The following RBFOX1 variants were observed in gnomAD, a reference collection of about 807,000 sequenced individuals.
RBFOX1 encodes the protein RNA binding fox-1 homolog 1.
RBFOX1 carries 8 observed loss-of-function variants against 57.7 expected under a neutral mutation model. The observed-to-expected ratio is 0.14, with a 90% CI of 0.08 to 0.25. RBFOX1 has a LOEUF of 0.25. Ranked by LOEUF, RBFOX1 falls within the 10% of genes least tolerant of loss-of-function variation. The probability of loss-of-function intolerance (pLI) is 1.00; values close to 1 mark genes in which losing one functional copy is unlikely to be tolerated. For missense variants in RBFOX1, 611 were observed against 548.5 expected (o/e 1.11, Z -1.14); for synonymous variants, 326 against 222.4 (o/e 1.47, Z -4.15).
At chr16:6,625,587 A>C (rs747968951) in intron 2 of RBFOX1, among the ~76,000 whole-genome samples, 1 of 152,136 alleles carries the variant, frequency 6.6e-6, no homozygotes, top group Non-Finnish European at 1.5e-5. Flanking sequence ...TGGTTCCTCC[A>C]TTCTAACTAT....
chr16:5,745,375 C>A (rs1199278568), intron 3 of RBFOX1, among the ~76,000 whole-genome samples: 1 of 152,176 alleles, frequency 6.6e-6, no homozygotes, highest in African/African-American at 2.4e-5. Context: ...CAAGTCTTTA[C>A]TATTGTGAAT....
At chr16:7,041,216 G>C (rs1199595789) in intron 3 of RBFOX1, among the ~76,000 whole-genome samples, 2 of 150,850 alleles carry the variant, frequency 1.3e-5, no homozygotes, top group African/African-American at 2.4e-5. Context: ...TTACAGGTGT[G>C]AGCCACCACA....
At chr16:7,344,332 T>C (rs61560868) in intron 4 of RBFOX1, among the ~76,000 whole-genome samples, 1 of 150,532 alleles carries the variant, frequency 6.6e-6, no homozygotes, top group African/African-American at 2.4e-5. Context: ...ATAGAAATAA[T>C]AATTGTTACA....
intron 3 of RBFOX1, among the ~76,000 whole-genome samples, chr16:6,859,330 G>C (rs2058602460): frequency 6.6e-6 from 1 of 150,782 alleles, no homozygotes; most frequent in Non-Finnish European, 1.5e-5. Flanking sequence ...ATTTTTATAA[G>C]AAAGAGTCAA....
intron 1 of RBFOX1, among the ~76,000 whole-genome samples, chr16:5,326,780 A>G (rs1232513136): frequency 3.3e-5 from 5 of 152,370 alleles, no homozygotes; most frequent in Admixed American, 1.3e-4. Context: ...GAGGGAACAT[A>G]TCAGAAAGCC....
chr16:7,361,892 A>G (rs1355078736), intron 4 of RBFOX1, among the ~76,000 whole-genome samples: 5 of 150,586 alleles, frequency 3.3e-5, no homozygotes, highest in African/African-American at 9.8e-5. Context: ...ATATGTTAGT[A>G]TGTGTATTTT....
intron 4 of RBFOX1, among the ~76,000 whole-genome samples, chr16:5,951,213 C>G (rs1026590399): frequency 6.6e-6 from 1 of 152,032 alleles, no homozygotes; most frequent in Non-Finnish European, 1.5e-5. Context: ...TTTGGGAGAC[C>G]GAGGCAGGCA....
At chr16:5,327,498 C>T (rs2064613709) in intron 1 of RBFOX1, among the ~76,000 whole-genome samples, 1 of 152,232 alleles carries the variant, frequency 6.6e-6, no homozygotes, top group Non-Finnish European at 1.5e-5. Context: ...CAAGTCTTGA[C>T]ACTGCCTGAC....
rs60637926 is a variant in RBFOX1, at chr16:6,344,407, C to CTTTT, written c.-64+27359_-64+27362dup. ...TCTCTTCTTCTTTTTTCTTTTTTTT[C>CTTTT]TTTTTTTTTTTTGAGACAGAGTCTC... On this transcript the variant is annotated intron_variant, in intron 2 of 15. Coordinates refer to ENST00000550418, the MANE Select transcript of RBFOX1 (RefSeq NM_018723.4). 3.7e-4 allele frequency among the ~76,000 whole-genome samples: 41 copies of CTTTT among 109,838 alleles called. 2 individuals are homozygous for CTTTT. The highest frequency in any genetic ancestry group is 7.0e-4 in the East Asian group (3 of 4,274). The allele number at this position is 109,838 out of a possible 152,430, so 72.1% of individuals were successfully genotyped here. A position where few individuals can be genotyped will look rare whatever the true frequency, so the allele number is the denominator to read the frequency against.
chr16:6,962,833 C>G (rs755523499), intron 3 of RBFOX1, among the ~76,000 whole-genome samples: 11 of 151,806 alleles, frequency 7.2e-5, no homozygotes, highest in Non-Finnish European at 1.3e-4. Flanking sequence ...CCACTGCACT[C>G]CAGCCTGGGC....
intron 3 of RBFOX1, among the ~76,000 whole-genome samples, chr16:6,698,671 T>A (rs1057145890): frequency 6.6e-6 from 1 of 152,170 alleles, no homozygotes; most frequent in Admixed American, 6.5e-5. Context: ...TAGGTTAGAA[T>A]CACATTATTC....
intron 10 of RBFOX1, among the ~76,000 whole-genome samples, chr16:7,612,339 A>AG (rs2057668594): frequency 1.3e-5 from 2 of 150,716 alleles, no homozygotes; most frequent in East Asian, 3.9e-4. Context: ...AAAAAAAAAA[A>AG]AAAAAAAAAA....
At chr16:7,120,185 C>T (rs2066799239) in intron 4 of RBFOX1, among the ~76,000 whole-genome samples, 1 of 152,072 alleles carries the variant, frequency 6.6e-6, no homozygotes, top group South Asian at 2.1e-4. Flanking sequence ...GAAGCGAAAG[C>T]AGTGCTTAGA....
chr16:6,465,050 G>C (rs1160611063), intron 2 of RBFOX1, among the ~76,000 whole-genome samples: 3 of 152,190 alleles, frequency 2.0e-5, no homozygotes, highest in Non-Finnish European at 4.4e-5. Context: ...ATCGTGAATT[G>C]TCCACACAGT....
intron 6 of RBFOX1, 28 bp downstream of exon 6, chr16:7,579,948 G>A: frequency 6.2e-7 from 1 of 1,611,612 alleles, no homozygotes; most frequent in Non-Finnish European, 8.5e-7. Context: ...TCCCAGCAGT[G>A]CCCGCTCTGG....
intron 4 of RBFOX1, among the ~76,000 whole-genome samples, chr16:7,102,843 A>G (rs181649721): frequency 2.6e-5 from 4 of 152,264 alleles, no homozygotes; most frequent in Admixed American, 1.3e-4. Context: ...ACACAGCCTA[A>G]TTTCAAAAGA....
chr16:7,693,727 G>A (rs780149650), intron 14 of RBFOX1, among the ~76,000 whole-genome samples: 3 of 152,042 alleles, frequency 2.0e-5, no homozygotes, highest in East Asian at 1.9e-4. Flanking sequence ...GTTTTTTGAC[G>A]TGTTATGTCT....
chr16:6,303,347 T>TA (rs1248877331), intron 1 of RBFOX1, among the ~76,000 whole-genome samples: 66 of 151,792 alleles, frequency 4.3e-4, no homozygotes, highest in Middle Eastern at 3.4e-3. Flanking sequence ...TTTTTTTTTT[T>TA]AAAAAATCGA....
chr16:7,597,342 G>T, intron 8 of RBFOX1, 29 bp from the exon 9 acceptor site: 1 of 1,554,848 alleles, frequency 6.4e-7, no homozygotes. Context: ...CCTAGAATAT[G>T]TGCTTACTTG....
Sources: allele counts gnomAD v4.1 joint callset (sites outside exome capture counted in the v4.1 genomes callset), GRCh38; gene constraint gnomAD v4.1.1; transcripts MANE v1.5; gene names NCBI Gene and HGNC (gene_info 2026-07-23, HGNC 2026-07-21).